The following PTPN14 variants were observed in gnomAD, a reference collection of about 807,000 sequenced individuals.
The protein encoded by PTPN14 is tyrosine-protein phosphatase non-receptor type 14.
In PTPN14, 53 loss-of-function variants were observed where a neutral mutation model predicts 126.8. The ratio of observed to expected loss-of-function variants is 0.42; its 90% CI spans 0.34 to 0.53. The LOEUF (loss-of-function observed/expected upper bound fraction) is 0.53. Among genes scored for constraint, PTPN14 ranks in the 20% least tolerant of loss-of-function variants. The pLI is 0.08. For missense variants in PTPN14, 1,257 were observed against 1,552.9 expected (o/e 0.81, Z 3.20); for synonymous variants, 630 against 599.3 (o/e 1.05, Z -0.75).
chr1:214,361,505 G>T (rs1332034697), intron 18 of PTPN14, among the ~76,000 whole-genome samples: 1 of 152,114 alleles, frequency 6.6e-6, no homozygotes, highest in Non-Finnish European at 1.5e-5. Flanking sequence ...ACTCCCACAG[G>T]CTCTGCTCTT....
intron 18 of PTPN14, among the ~76,000 whole-genome samples, chr1:214,358,259 T>A (rs1467724139): frequency 6.6e-6 from 1 of 152,102 alleles, no homozygotes. Context: ...GGTGGGATAT[T>A]TTATTTTTAT....
At position 214,459,149 on chromosome 1, in the gene PTPN14, C is replaced by CTTT. The variant is rs5780785; in HGVS notation, c.174+5478_174+5480dup. Among the ~76,000 whole-genome samples the CTTT allele has an allele frequency of 1.5e-4, 21 of 135,786 alleles. 1 individual carries two copies. The highest frequency in any genetic ancestry group is 3.0e-4 in the African/African-American group (11 of 36,122). 89.1% of individuals were successfully genotyped at this position (135,786 alleles called of 152,430 possible). A position where few individuals can be genotyped will look rare whatever the true frequency, so the allele number is the denominator to read the frequency against. ...CGCCTCCAATCCCCACTCTTTTCTT[C>CTTT]TTTTTTTTTTTTTTTGAGACAGAGT... On this transcript the variant is annotated intron_variant, in intron 2 of 18. Transcript: ENST00000366956.
chr1:214,369,500 G>T lies in PTPN14; in HGVS notation c.3228C>A (p.Asp1076Glu). The change falls in exon 17 of 19, where the codon GAC becomes GAA. Residue 1076 changes from aspartate to glutamate, a missense_variant. This residue lies in a region of PTPN14 where 171 missense variants were observed against 229.8 expected (regional missense o/e 0.74). Transcript: ENST00000366956. ...ERTVWHLQYT[D>E]WPDHGCPEDV... ...CTTCTGGACAGCCGTGATCTGGCCA[G>T]TCAGTATATTGTAAATGCCACACCG... 1 of 1,614,212 alleles carries T rather than the reference G, an allele frequency of 6.2e-7. No individual in the cohort carries two copies.
At chr1:214,485,196 A>G (rs1202598155) in intron 1 of PTPN14, among the ~76,000 whole-genome samples, 1 of 152,206 alleles carries the variant, frequency 6.6e-6, no homozygotes, top group African/African-American at 2.4e-5. Flanking sequence ...CACCACCACC[A>G]CCATCCTAGC....
Position 214,369,504 on chromosome 1 carries a change from G to T in PTPN14, c.3224C>A (p.Thr1075Asn). The T allele has an allele frequency of 6.2e-7, 1 of 1,614,194 alleles. No individual in the cohort carries two copies. The highest frequency in any genetic ancestry group is 8.5e-7 in the Non-Finnish European group (1 of 1,180,038). Residue 1075 changes from threonine to asparagine, a missense_variant, in exon 17 of 19, where the codon ACT (threonine) becomes AAT (asparagine). Around this residue, in one of 3 missense-constraint regions of PTPN14, gnomAD observed 171 missense variants for 229.8 expected, o/e 0.74. Transcript: ENST00000366956. The part of the protein sequence containing the change: ...QERTVWHLQY[T>N]DWPDHGCPED... ...TGGACAGCCGTGATCTGGCCAGTCAGTATATTGTAAATGCCACACCGTCCT... is the reference window on the plus strand; with the variant it reads ...TGGACAGCCGTGATCTGGCCAGTCATTATATTGTAAATGCCACACCGTCCT...
intron 1 of PTPN14, among the ~76,000 whole-genome samples, chr1:214,481,770 G>C (rs1660993658): frequency 6.6e-6 from 1 of 151,900 alleles, no homozygotes. Context: ...TGGATCATGA[G>C]GTCAGGAGAT....
chr1:214,473,662 T>G (rs1413534417), intron 1 of PTPN14, among the ~76,000 whole-genome samples: 1 of 152,184 alleles, frequency 6.6e-6, no homozygotes, highest in African/African-American at 2.4e-5. Context: ...TAAACCTGCA[T>G]AGGGCACAGC....
intron 15 of PTPN14, among the ~76,000 whole-genome samples, chr1:214,373,558 A>AACACACAC (rs10562157): frequency 1.8e-4 from 25 of 138,594 alleles, no homozygotes; most frequent in African/African-American, 4.1e-4. Context: ...ATTTCATTGA[A>AACACACAC]ACACACACAC....
chr1:214,375,762 AGGACTCGCGCTTT>A (rs548563997), intron 15 of PTPN14, among the ~76,000 whole-genome samples: 18 of 152,116 alleles, frequency 1.2e-4, no homozygotes, highest in African/African-American at 4.4e-4. Context: ...ATGCAATAAT[AGGACTCGCGCTTT>A]TATAAAATGC....
In PTPN14 at chr1:214,455,862, T is replaced by G. The variant is rs1235661125; in HGVS notation, c.175-3888A>C. On this transcript the variant is annotated intron_variant, in intron 2 of 18. Transcript: ENST00000366956. Reference sequence around the variant, plus strand: ...TCCATCTTTTGGTATTATGGAAAGATTCTAGAGAATAAGGGCCCTTAAAAG... The same window carrying G: ...TCCATCTTTTGGTATTATGGAAAGAGTCTAGAGAATAAGGGCCCTTAAAAG... Among the ~76,000 whole-genome samples the G allele has an allele frequency of 2.0e-5, 3 of 152,026 alleles. No individual in the cohort carries two copies. The East Asian group carries it at 5.8e-4, about 29-fold the overall frequency.
intron 1 of PTPN14, among the ~76,000 whole-genome samples, chr1:214,536,345 T>C (rs1253988825): frequency 6.6e-6 from 1 of 151,982 alleles, no homozygotes; most frequent in Non-Finnish European, 1.5e-5. Flanking sequence ...GAATTCAAGG[T>C]TGCAGTGAGC....
intron 12 of PTPN14, among the ~76,000 whole-genome samples, chr1:214,386,438 T>C (rs1658611363): frequency 1.3e-5 from 2 of 152,188 alleles, no homozygotes; most frequent in South Asian, 4.1e-4. Context: ...AAAGGCTGAC[T>C]TTGTTTATTT....
intron 1 of PTPN14, among the ~76,000 whole-genome samples, chr1:214,537,031 C>T (rs1428262271): frequency 6.6e-6 from 1 of 152,104 alleles, no homozygotes; most frequent in Admixed American, 6.6e-5. Context: ...GAAATATACC[C>T]ACGTCTCTCA....
chr1:214,352,828 A>T lies in PTPN14; in HGVS notation c.*5094T>A, dbSNP rs892850058. ...TGAAAAGAAATCACTAAATAAGAGC[A>T]TGATGAGTGTCTCAAAACCATTGGC... On this transcript the variant is annotated 3_prime_UTR_variant, in exon 19 of 19. Coordinates refer to ENST00000366956, the MANE Select transcript of PTPN14 (RefSeq NM_005401.5). 1 of 152,238 alleles carries T rather than the reference A, an allele frequency of 6.6e-6. No homozygotes were observed. The highest frequency in any genetic ancestry group is 6.5e-5 in the Admixed American group (1 of 15,288). 9.4% of individuals were successfully genotyped at this position (152,238 alleles called of 1,614,324 possible).
At position 214,383,708 on chromosome 1, in the gene PTPN14, T is replaced by G. The variant is rs189081489; in HGVS notation, c.2147A>C (p.Glu716Ala). ...GATCTGGGGCACCGATTCTGGAGCC[T>G]CCTCCTCCTCCTCCTCACTCTCGCT... ...HSSESEEEEE[E>A]APESVPQIPM... The change falls in exon 13 of 19, where the codon GAG becomes GCG. Residue 716 changes from glutamate (E) to alanine (A), a missense_variant. Coordinates refer to ENST00000366956, the MANE Select transcript of PTPN14 (RefSeq NM_005401.5). This position sits in a 1 kb window ranked among gnomAD's most constrained non-coding sequence, Gnocchi z 4.4. 4.0e-6 allele frequency: 6 copies of G among 1,509,646 alleles called. No individual in the cohort carries two copies. In the African/African-American group the frequency reaches 4.3e-5, roughly 11 times the overall value. The allele number at this position is 1,509,646 out of a possible 1,614,324, so 93.5% of individuals were successfully genotyped here. A position where few individuals can be genotyped will look rare whatever the true frequency, so the allele number is the denominator to read the frequency against.
In PTPN14 at chr1:214,353,273, A is replaced by G. The variant is rs1232560965; in HGVS notation, c.*4649T>C. The G allele has an allele frequency of 1.3e-5, 2 of 152,260 alleles. No homozygotes were observed. Among genetic ancestry groups the G allele is most frequent in the African/African-American group, 4.8e-5 (2 of 41,466 alleles). The allele number at this position is 152,260 out of a possible 1,614,324, so 9.4% of individuals were successfully genotyped here. ...CATATAACCTATGCACATCTCTTGC[A>G]TACTTTAAATCATCTCTAGATTATT... On this transcript the variant is annotated 3_prime_UTR_variant, in exon 19 of 19. Transcript: ENST00000366956.
intron 8 of PTPN14, 37 bp from the exon 9 acceptor site, chr1:214,395,023 T>C (rs1177084835): frequency 1.3e-5 from 20 of 1,546,838 alleles, no homozygotes; most frequent in Non-Finnish European, 1.6e-5. Context: ...TACTCAACAA[T>C]GTTCCAGGCA....
chr1:214,448,074 C>T lies in PTPN14; in HGVS notation c.344+3731G>A, dbSNP rs370066630. 6.9e-4 allele frequency among the ~76,000 whole-genome samples: 105 copies of T among 152,306 alleles called. 1 individual carries two copies. Among genetic ancestry groups the T allele is most frequent in the African/African-American group, 2.3e-3 (97 of 41,568 alleles). On this transcript the variant is annotated intron_variant, in intron 3 of 18. Coordinates refer to ENST00000366956, the MANE Select transcript of PTPN14 (RefSeq NM_005401.5). ...TACCTCCCTCTTTGAAATTTAAATA[C>T]CTTTTGTTTTAGTCTATGAATGCAA...
chr1:214,474,794 C>T (rs1660832614), intron 1 of PTPN14, among the ~76,000 whole-genome samples: 1 of 152,090 alleles, frequency 6.6e-6, no homozygotes, highest in South Asian at 2.1e-4. Flanking sequence ...AAAAGCTCCC[C>T]TGGTTATTGT....
Sources: allele counts gnomAD v4.1 joint callset (sites outside exome capture counted in the v4.1 genomes callset), GRCh38; gene constraint gnomAD v4.1.1; regional missense constraint gnomAD v4.1.1; non-coding constraint Gnocchi (gnomAD v3.1); transcripts MANE v1.5; gene names NCBI Gene and HGNC (gene_info 2026-07-23, HGNC 2026-07-21).